The following CLASP2 variants were observed in gnomAD, a reference collection of about 807,000 sequenced individuals.
CLASP2 encodes CLIP-associating protein 2.
Under a neutral mutation model 194.4 loss-of-function variants are expected in CLASP2, and 47 were observed. The observed-to-expected ratio is 0.24, with a 90% CI of 0.19 to 0.31. The LOEUF is 0.31. CLASP2 is among the 10% of genes least tolerant of loss of function. The probability of loss-of-function intolerance (pLI) is 1.00; values close to 1 mark genes in which losing one functional copy is unlikely to be tolerated. For missense variants in CLASP2, 1,445 were observed against 1,823.6 expected, an observed-to-expected ratio of 0.79 and a Z score of 3.78; for synonymous variants, 619 against 633.5, an observed-to-expected ratio of 0.98 and a Z score of 0.34.
intron 7 of CLASP2, among the ~76,000 whole-genome samples, chr3:33,658,276 G>A (rs2084655972): frequency 6.6e-6 from 1 of 152,108 alleles, no homozygotes; most frequent in Admixed American, 6.5e-5. Flanking sequence ...ACACTTCACA[G>A]AGTTGTTCAC....
At chr3:33,617,333 A>C (rs998511163) in intron 12 of CLASP2, among the ~76,000 whole-genome samples, 3 of 152,100 alleles carry the variant, frequency 2.0e-5, no homozygotes, top group African/African-American at 7.2e-5. Flanking sequence ...ACATGAAAAC[A>C]ACACCATTTC....
chr3:33,554,222 T>C (rs2060526443), intron 29 of CLASP2, among the ~76,000 whole-genome samples: 1 of 122,624 alleles, frequency 8.2e-6, no homozygotes, highest in South Asian at 2.6e-4. Flanking sequence ...AGCGAAACTG[T>C]CTCAAAAAAA....
intron 36 of CLASP2, 132 bp from the exon 37 acceptor site, chr3:33,510,896 T>A: frequency 1.2e-6 from 1 of 813,448 alleles, no homozygotes; most frequent in South Asian, 1.9e-5. Flanking sequence ...TAAACAAACA[T>A]GAAAAGTGAG....
intron 12 of CLASP2, among the ~76,000 whole-genome samples, chr3:33,613,308 C>G (rs1057166244): frequency 2.6e-5 from 4 of 152,108 alleles, no homozygotes; most frequent in Admixed American, 2.6e-4. Context: ...TGAAATAGTC[C>G]CTGAGAATAC....
At chr3:33,692,522 C>T (rs1041335153) in intron 2 of CLASP2, among the ~76,000 whole-genome samples, 1 of 152,188 alleles carries the variant, frequency 6.6e-6, no homozygotes, top group Admixed American at 6.5e-5. Flanking sequence ...ACACATACTA[C>T]CTTGAAGTCA....
At position 33,497,579 on chromosome 3, in the gene CLASP2, C is replaced by T. The variant is rs1441697068; in HGVS notation, c.*1052G>A. The stretch of plus-strand genomic sequence containing the variant: ...AGAATTTGAGCCCATTATACAAAGA[C>T]AGCCTTGGCACCATCTTCTCTCTCA... On this transcript the variant is annotated 3_prime_UTR_variant, in exon 39 of 39. Coordinates refer to ENST00000682230, the MANE Select transcript of CLASP2 (RefSeq NM_001365631.1). The T allele has an allele frequency of 6.6e-6, 1 of 152,580 alleles. No homozygotes were observed. The highest frequency in any genetic ancestry group is 1.5e-5 in the Non-Finnish European group (1 of 68,030). 9.5% of individuals were successfully genotyped at this position (152,580 alleles called of 1,614,324 possible).
At chr3:33,645,177 G>A in intron 7 of CLASP2, 1 of 752,766 alleles carries the variant, frequency 1.3e-6, no homozygotes, top group Non-Finnish European at 2.4e-6. Context: ...GGTAGTAAAA[G>A]TATTTTTCAT....
At chr3:33,688,220 G>T (rs2090935250) in intron 4 of CLASP2, 57 bp downstream of exon 4, 4 of 1,354,794 alleles carry the variant, frequency 3.0e-6, no homozygotes, top group African/African-American at 3.0e-5. Flanking sequence ...GTGAACTGAG[G>T]TTTTTTTTAG....
At chr3:33,585,393 A>G (rs1203567111) in intron 21 of CLASP2, among the ~76,000 whole-genome samples, 1 of 152,186 alleles carries the variant, frequency 6.6e-6, no homozygotes, top group Non-Finnish European at 1.5e-5. Flanking sequence ...TACTTACACA[A>G]ACCTAGATGG....
At chr3:33,510,274 A>T (rs1334783021) in intron 37 of CLASP2, among the ~76,000 whole-genome samples, 1 of 152,190 alleles carries the variant, frequency 6.6e-6, no homozygotes, top group Non-Finnish European at 1.5e-5. Context: ...GTCTGGGATG[A>T]TGAAAAATTT....
At chr3:33,619,520 GGGAAA>G in intron 12 of CLASP2, 78 bp downstream of exon 12, 3 of 1,264,558 alleles carry the variant, frequency 2.4e-6, no homozygotes, top group Non-Finnish European at 3.2e-6. Flanking sequence ...GGGTGGGGTG[GGGAAA>G]GGAGAGAAAA....
chr3:33,687,588 T>C (rs2090843756), intron 4 of CLASP2, among the ~76,000 whole-genome samples: 1 of 152,172 alleles, frequency 6.6e-6, no homozygotes, highest in Admixed American at 6.5e-5. Flanking sequence ...CTGTGCAGAC[T>C]GAGTACACTT....
chr3:33,690,437 A>G (rs2091214241), intron 2 of CLASP2, among the ~76,000 whole-genome samples: 1 of 152,210 alleles, frequency 6.6e-6, no homozygotes, highest in East Asian at 1.9e-4. Flanking sequence ...AAAAAATAAT[A>G]CACATAAACA....
At chr3:33,549,120 TTC>T (rs1366350165) in intron 30 of CLASP2, among the ~76,000 whole-genome samples, 1 of 152,176 alleles carries the variant, frequency 6.6e-6, no homozygotes, top group Non-Finnish European at 1.5e-5. Flanking sequence ...TTTGAATGTT[TTC>T]TCTTTTTACC....
At chr3:33,613,751 A>G (rs2075623789) in intron 12 of CLASP2, among the ~76,000 whole-genome samples, 1 of 152,198 alleles carries the variant, frequency 6.6e-6, no homozygotes, top group Non-Finnish European at 1.5e-5. Context: ...ATTACTACGG[A>G]GGTAAAACCC....
chr3:33,603,045 C>T lies in CLASP2; in HGVS notation c.1831G>A (p.Ala611Thr). ...GCAGCATGATGTGCCTTGGCACCTG[C>T]AGCAGCATTCACATCAATGTCACTT... is the stretch of plus-strand genomic sequence containing the variant. ...SRSDIDVNAA[A>T]GAKAHHAAGQ... The change falls in exon 18 of 39, where the codon GCA becomes ACA. Residue 611 changes from alanine to threonine, a missense_variant. Transcript: ENST00000682230. 6.2e-7 allele frequency: 1 copy of T among 1,603,084 alleles called. No individual in the cohort carries two copies. The highest frequency in any genetic ancestry group is 1.3e-5 in the African/African-American group (1 of 74,884).
intron 24 of CLASP2, among the ~76,000 whole-genome samples, chr3:33,574,267 A>C (rs569802559): frequency 1.4e-3 from 220 of 152,272 alleles, no homozygotes; most frequent in Non-Finnish European, 2.8e-3. Context: ...ATTTGTATGA[A>C]GTAGTCAAGC....
chr3:33,674,084 C>G (rs977829704), intron 6 of CLASP2, among the ~76,000 whole-genome samples: 2 of 152,124 alleles, frequency 1.3e-5, no homozygotes, highest in African/African-American at 4.8e-5. Flanking sequence ...AGCTCTGCAC[C>G]AAGCGGACCT....
intron 34 of CLASP2, among the ~76,000 whole-genome samples, chr3:33,533,485 T>C (rs1483111796): frequency 6.6e-6 from 1 of 152,210 alleles, no homozygotes; most frequent in Non-Finnish European, 1.5e-5. Flanking sequence ...ATTTTAAAAA[T>C]TTAAAAATAT....
Sources: allele counts gnomAD v4.1 joint callset (sites outside exome capture counted in the v4.1 genomes callset), GRCh38; gene constraint gnomAD v4.1.1; transcripts MANE v1.5; gene names NCBI Gene and HGNC (gene_info 2026-07-23, HGNC 2026-07-21).